EDA: variants seen among roughly 807,000 people sequenced by gnomAD.
EDA encodes ectodysplasin-A.
Under a neutral mutation model 23.6 loss-of-function variants are expected in EDA, and 2 were observed. That is an observed-to-expected ratio of 0.08 (90% CI 0.03 to 0.27). The LOEUF is 0.27. EDA is among the 10% of genes least tolerant of loss of function. The probability of loss-of-function intolerance (pLI) is 1.00; values close to 1 mark genes in which losing one functional copy is unlikely to be tolerated. For missense variants in EDA, 229 were observed against 324.2 expected (o/e 0.71, Z 2.26); for synonymous variants, 131 against 132.0 (o/e 0.99, Z 0.05).
intron 2 of EDA, among the ~76,000 whole-genome samples, chrX:69,976,055 A>G (rs1195865830): frequency 5.4e-5 from 6 of 111,467 alleles, no homozygotes; most frequent in Admixed American, 9.6e-5. Context: ...TAGGTTTAAT[A>G]ATTCTAATTT....
intron 2 of EDA, 136 bp downstream of exon 2, chrX:69,957,268 G>A (rs766389688): frequency 7.2e-6 from 4 of 555,387 alleles, no homozygotes; most frequent in African/African-American, 4.6e-5. Flanking sequence ...CACGCGGGCA[G>A]ATCACTTGAG....
At chrX:69,771,467 A>G (rs1316559148) in intron 1 of EDA, among the ~76,000 whole-genome samples, 2 of 111,834 alleles carry the variant, frequency 1.8e-5, no homozygotes, top group Non-Finnish European at 3.8e-5. Context: ...TTATATGTCC[A>G]GAATAGGAAA....
intron 3 of EDA, among the ~76,000 whole-genome samples, chrX:70,027,155 AATTCTC>A (rs1386073726): frequency 8.9e-6 from 1 of 111,993 alleles, no homozygotes; most frequent in Non-Finnish European, 1.9e-5. Flanking sequence ...TTGGTAGAGA[AATTCTC>A]ATCCTTTGGA....
At chrX:69,712,961 G>T (rs958783019) in intron 1 of EDA, among the ~76,000 whole-genome samples, 1 of 107,261 alleles carries the variant, frequency 9.3e-6, no homozygotes, top group African/African-American at 3.4e-5. Flanking sequence ...CTATTGCAGG[G>T]ACAAAAAAAC....
intron 1 of EDA, among the ~76,000 whole-genome samples, chrX:69,845,924 C>A (rs143960036): frequency 1.8e-5 from 2 of 112,101 alleles, no homozygotes; most frequent in East Asian, 5.6e-4. Context: ...CCAGTTAAGT[C>A]TTCAGATGAC....
intron 1 of EDA, among the ~76,000 whole-genome samples, chrX:69,899,708 T>A (rs1166723010): frequency 1.8e-5 from 2 of 111,955 alleles, no homozygotes; most frequent in Non-Finnish European, 3.8e-5. Context: ...TACTTCCGTA[T>A]ACATTCTTGT....
chrX:69,660,985 T>C (rs368591118), intron 1 of EDA, among the ~76,000 whole-genome samples: 26 of 110,983 alleles, frequency 2.3e-4, no homozygotes, highest in Non-Finnish European at 4.3e-4. Context: ...GTTCCTATTT[T>C]TCCACATCCT....
chrX:69,901,603 C>T (rs1416693296), intron 1 of EDA, among the ~76,000 whole-genome samples: 1 of 111,299 alleles, frequency 9.0e-6, no homozygotes, highest in Non-Finnish European at 1.9e-5. Context: ...ATTATTAGGG[C>T]TATTTGGGGT....
intron 1 of EDA, among the ~76,000 whole-genome samples, chrX:69,833,104 C>T (rs2016662490): frequency 1.8e-5 from 2 of 111,711 alleles, no homozygotes; most frequent in African/African-American, 3.3e-5. Context: ...GAGAGGGCAT[C>T]CCTGTCTTGT....
intron 1 of EDA, among the ~76,000 whole-genome samples, chrX:69,899,515 A>G (rs1355470010): frequency 2.8e-5 from 3 of 105,884 alleles, no homozygotes; most frequent in Non-Finnish European, 4.0e-5. Flanking sequence ...GGAAGTTGCA[A>G]TTATTAACAG....
Position 69,762,186 on chromosome X carries a change from A to C in EDA, c.396+145482A>C, listed in dbSNP as rs181055262. ...AAAGTAATCATGCTTTACAAAGGGA[A>C]GGTTGTGAATTTTTCGTGAATAGTA... On this transcript the variant is annotated intron_variant, in intron 1 of 7. Transcript: ENST00000374552. Among the ~76,000 whole-genome samples the C allele has an allele frequency of 1.5e-3, 166 of 111,700 alleles. 1 individual carries two copies. Among genetic ancestry groups the C allele is most frequent in the African/African-American group, 5.2e-3 (159 of 30,801 alleles).
At chrX:69,980,537 A>C (rs2147450821) in intron 2 of EDA, among the ~76,000 whole-genome samples, 1 of 112,608 alleles carries the variant, frequency 8.9e-6, no homozygotes, top group African/African-American at 3.2e-5. Flanking sequence ...ACATTTAAAA[A>C]ATCTAGACCT....
intron 1 of EDA, among the ~76,000 whole-genome samples, chrX:69,788,012 T>A (rs370201309): frequency 8.8e-4 from 98 of 111,289 alleles, no homozygotes; most frequent in East Asian, 4.8e-3. Flanking sequence ...TTTTTCTCTA[T>A]ACTTCCCTTC....
intron 1 of EDA, among the ~76,000 whole-genome samples, chrX:69,928,229 G>A (rs1375618492): frequency 9.0e-6 from 1 of 111,250 alleles, no homozygotes; most frequent in Non-Finnish European, 1.9e-5. Flanking sequence ...CTAGCTGGTG[G>A]TCTCAGCACT....
chrX:69,942,081 C>T (rs780865080), intron 1 of EDA, among the ~76,000 whole-genome samples: 23 of 111,869 alleles, frequency 2.1e-4, no homozygotes, highest in Non-Finnish European at 4.3e-4. Context: ...AGACACTCTA[C>T]ACTTTAACTT....
chrX:69,744,443 T>C (rs1238502187), intron 1 of EDA, among the ~76,000 whole-genome samples: 1 of 112,043 alleles, frequency 8.9e-6, no homozygotes, highest in Admixed American at 9.5e-5. Flanking sequence ...CTGAAATCAT[T>C]GGTCATAGTA....
At chrX:69,862,754 T>C (rs1355408638) in intron 1 of EDA, among the ~76,000 whole-genome samples, 1 of 111,413 alleles carries the variant, frequency 9.0e-6, no homozygotes, top group Non-Finnish European at 1.9e-5. Flanking sequence ...AAGAACATAT[T>C]TTAAAACAAC....
Sources: gnomAD v4.1 joint callset for allele counts (sites outside exome capture counted in the v4.1 genomes callset) on GRCh38, gnomAD v4.1.1 for gene constraint, MANE v1.5 for transcripts, NCBI Gene and HGNC (gene_info 2026-07-23, HGNC 2026-07-21) for gene names.